The following LRRC4C variants were observed in gnomAD, a reference collection of about 807,000 sequenced individuals.
The protein encoded by LRRC4C is leucine-rich repeat-containing protein 4C.
LRRC4C carries 5 observed loss-of-function variants against 33.6 expected under a neutral mutation model. The ratio of observed to expected loss-of-function variants is 0.15; its 90% CI spans 0.08 to 0.31. The LOEUF (loss-of-function observed/expected upper bound fraction) is 0.31. Among genes scored for constraint, LRRC4C ranks in the 10% least tolerant of loss-of-function variants. The pLI is 1.00. For synonymous variants in LRRC4C, 329 were observed against 302.0 expected (o/e 1.09, Z -0.93); for missense variants, 560 against 796.7 (o/e 0.70, Z 3.58).
chr11:41,381,745 T>G (rs1313032894), intron 1 of LRRC4C, among the ~76,000 whole-genome samples: 1 of 151,726 alleles, frequency 6.6e-6, no homozygotes, highest in Non-Finnish European at 1.5e-5. Context: ...AACTGAAAAT[T>G]TAAAATATCC....
At chr11:41,037,878 A>T (rs1857193222) in intron 1 of LRRC4C, among the ~76,000 whole-genome samples, 1 of 152,156 alleles carries the variant, frequency 6.6e-6, no homozygotes, top group Non-Finnish European at 1.5e-5. Context: ...GTAAGTATGC[A>T]TTCATGTTTG....
intron 1 of LRRC4C, among the ~76,000 whole-genome samples, chr11:41,084,561 A>G (rs1269307268): frequency 6.6e-6 from 1 of 152,146 alleles, no homozygotes; most frequent in Non-Finnish European, 1.5e-5. Flanking sequence ...AAATTTTTTA[A>G]AAATTGGCTG....
At chr11:40,639,183 A>G (rs1941958821) in intron 3 of LRRC4C, among the ~76,000 whole-genome samples, 1 of 151,972 alleles carries the variant, frequency 6.6e-6, no homozygotes, top group Non-Finnish European at 1.5e-5. Context: ...AAAACTCTCT[A>G]GTTTCCATCA....
chr11:40,758,358 C>T (rs1158496567), intron 2 of LRRC4C, among the ~76,000 whole-genome samples: 1 of 151,946 alleles, frequency 6.6e-6, no homozygotes, highest in African/African-American at 2.4e-5. Context: ...AGGGTCCTCT[C>T]CTCCTGCTAT....
At chr11:40,396,837 G>T (rs1949560375) in intron 3 of LRRC4C, among the ~76,000 whole-genome samples, 1 of 152,020 alleles carries the variant, frequency 6.6e-6, no homozygotes, top group African/African-American at 2.4e-5. Context: ...TTTATGATTT[G>T]TTGAAGATGT....
At chr11:40,922,546 A>T (rs1957224812) in intron 2 of LRRC4C, among the ~76,000 whole-genome samples, 1 of 152,130 alleles carries the variant, frequency 6.6e-6, no homozygotes, top group African/African-American at 2.4e-5. Flanking sequence ...GATCATTTTA[A>T]TTATGCATGT....
chr11:40,803,765 G>A (rs1013621784), intron 2 of LRRC4C, among the ~76,000 whole-genome samples: 10 of 151,948 alleles, frequency 6.6e-5, no homozygotes, highest in Admixed American at 1.3e-4. Context: ...GAGCCACCAC[G>A]CCCGGCCTAA....
chr11:40,753,422 T>TAA (rs543155099), intron 2 of LRRC4C, among the ~76,000 whole-genome samples: 1 of 146,352 alleles, frequency 6.8e-6, no homozygotes, highest in African/African-American at 2.5e-5. Context: ...GAAGTACCAG[T>TAA]AAAAAAAAAA....
At chr11:41,319,447 A>G (rs530243049) in intron 1 of LRRC4C, among the ~76,000 whole-genome samples, 17 of 152,224 alleles carry the variant, frequency 1.1e-4, no homozygotes, top group Non-Finnish European at 2.4e-4. Context: ...AGAATGAGAC[A>G]ACAAGTTGCC....
chr11:40,747,574 T>A (rs1948489544), intron 2 of LRRC4C, among the ~76,000 whole-genome samples: 1 of 151,818 alleles, frequency 6.6e-6, no homozygotes. Context: ...AAAAATAAAT[T>A]TATAAGATTC....
intron 5 of LRRC4C, among the ~76,000 whole-genome samples, chr11:40,192,899 C>G (rs1474918023): frequency 6.6e-6 from 1 of 152,196 alleles, no homozygotes; most frequent in Non-Finnish European, 1.5e-5. Context: ...GACTGCCTCT[C>G]TACATTTCTC....
intron 1 of LRRC4C, among the ~76,000 whole-genome samples, chr11:41,005,769 A>G (rs1227547377): frequency 1.3e-5 from 2 of 152,170 alleles, no homozygotes; most frequent in East Asian, 3.9e-4. Flanking sequence ...TATTTAGTGT[A>G]CAGCCTGCAG....
intron 1 of LRRC4C, among the ~76,000 whole-genome samples, chr11:41,205,486 C>T (rs1360627716): frequency 6.6e-6 from 1 of 151,926 alleles, no homozygotes; most frequent in Non-Finnish European, 1.5e-5. Flanking sequence ...TCAGATTTTC[C>T]CCCTTTTAGA....
At chr11:41,321,165 A>G (rs1273904251) in intron 1 of LRRC4C, among the ~76,000 whole-genome samples, 3 of 152,206 alleles carry the variant, frequency 2.0e-5, no homozygotes, top group Admixed American at 2.0e-4. Flanking sequence ...AACTTTAATT[A>G]CATCTGTAAA....
intron 2 of LRRC4C, among the ~76,000 whole-genome samples, chr11:40,836,660 G>C (rs1461122876): frequency 6.6e-6 from 1 of 152,074 alleles, no homozygotes; most frequent in African/African-American, 2.4e-5. Flanking sequence ...CACTGGCTTT[G>C]GATTTAGGCC....
chr11:41,263,180 T>C (rs556733945), intron 1 of LRRC4C, among the ~76,000 whole-genome samples: 1 of 152,278 alleles, frequency 6.6e-6, no homozygotes, highest in East Asian at 1.9e-4. Context: ...AATAATTCTT[T>C]CAGAGCAAGT....
At chr11:41,091,145 A>C (rs1300011632) in intron 1 of LRRC4C, among the ~76,000 whole-genome samples, 1 of 152,056 alleles carries the variant, frequency 6.6e-6, no homozygotes, top group Non-Finnish European at 1.5e-5. Flanking sequence ...TTGTCTATGT[A>C]ATACTATTAT....
chr11:41,148,570 A>G (rs1943838892), intron 1 of LRRC4C, among the ~76,000 whole-genome samples: 1 of 152,082 alleles, frequency 6.6e-6, no homozygotes, highest in Non-Finnish European at 1.5e-5. Flanking sequence ...AAAGGTGAAG[A>G]CAGAAATTAT....
At chr11:40,621,047 T>G (rs764015164) in intron 3 of LRRC4C, among the ~76,000 whole-genome samples, 1 of 151,670 alleles carries the variant, frequency 6.6e-6, no homozygotes, top group Non-Finnish European at 1.5e-5. Flanking sequence ...AAACTGAGGT[T>G]ATAATTCTCA....
Sources: gnomAD v4.1 joint callset for allele counts (sites outside exome capture counted in the v4.1 genomes callset) on GRCh38, gnomAD v4.1.1 for gene constraint, MANE v1.5 for transcripts, NCBI Gene and HGNC (gene_info 2026-07-23, HGNC 2026-07-21) for gene names.